PPP2R2B: variants seen among roughly 807,000 people sequenced by gnomAD.
PPP2R2B encodes serine/threonine-protein phosphatase 2A 55 kDa regulatory subunit B beta isoform.
PPP2R2B carries 5 observed loss-of-function variants against 46.0 expected under a neutral mutation model. The observed-to-expected ratio is 0.11, with a 90% CI of 0.06 to 0.23. The LOEUF (loss-of-function observed/expected upper bound fraction) is 0.23, where lower values mean the gene tolerates loss of function less well. PPP2R2B is among the 10% of genes least tolerant of loss of function. PPP2R2B has a pLI of 1.00. For missense variants in PPP2R2B, 367 were observed against 575.0 expected (o/e 0.64, Z 3.70); for synonymous variants, 215 against 206.7 (o/e 1.04, Z -0.34).
chr5:146,771,216 G>A (rs1754834545), intron 2 of PPP2R2B, among the ~76,000 whole-genome samples: 1 of 152,148 alleles, frequency 6.6e-6, no homozygotes, highest in Non-Finnish European at 1.5e-5. Flanking sequence ...CAGTGGCCAA[G>A]AAGACTGAAT....
chr5:146,737,161 T>C (rs1477372442), intron 2 of PPP2R2B, among the ~76,000 whole-genome samples: 1 of 152,224 alleles, frequency 6.6e-6, no homozygotes, highest in Non-Finnish European at 1.5e-5. Flanking sequence ...GTTCAGTAGC[T>C]ACTGGGGACT....
chr5:146,708,617 C>T (rs909152540), intron 2 of PPP2R2B, among the ~76,000 whole-genome samples: 4 of 152,052 alleles, frequency 2.6e-5, no homozygotes, highest in African/African-American at 9.7e-5. Context: ...ATAAAATGAA[C>T]TGATAGATAT....
intron 2 of PPP2R2B, among the ~76,000 whole-genome samples, chr5:146,763,919 G>A (rs1425562116): frequency 6.6e-6 from 1 of 152,030 alleles, no homozygotes; most frequent in Non-Finnish European, 1.5e-5. Flanking sequence ...GTAGAGGGGG[G>A]TCTCACTATA....
chr5:146,962,434 G>A (rs142437131), intron 1 of PPP2R2B, among the ~76,000 whole-genome samples: 1 of 151,716 alleles, frequency 6.6e-6, no homozygotes, highest in Non-Finnish European at 1.5e-5. Context: ...CAAGGCGGGT[G>A]GATCACGAGG....
At chr5:146,947,123 A>G (rs1468725828) in intron 1 of PPP2R2B, among the ~76,000 whole-genome samples, 3 of 152,172 alleles carry the variant, frequency 2.0e-5, no homozygotes, top group African/African-American at 4.8e-5. Context: ...AAATTCCATA[A>G]TATGAGGCAG....
intron 2 of PPP2R2B, among the ~76,000 whole-genome samples, chr5:146,705,723 A>G (rs1391729461): frequency 6.6e-6 from 1 of 152,038 alleles, no homozygotes; most frequent in Non-Finnish European, 1.5e-5. Context: ...ATTTGAGCAT[A>G]TTTTCCACAA....
chr5:146,638,299 G>A lies in PPP2R2B; in HGVS notation c.742C>T (p.Arg248Trp), dbSNP rs750629860. ...FVYSSSKGTI[R>W]LCDMRASALC... Reference sequence around the variant, plus strand: ...GCAGATGCCCGCATGTCACACAGCCGGATTGTCCCTTTGCTGCTGCTGTAC... The same window carrying A: ...GCAGATGCCCGCATGTCACACAGCCAGATTGTCCCTTTGCTGCTGCTGTAC... Residue 248 changes from arginine to tryptophan, a missense_variant, in exon 7 of 10, where the codon CGG (arginine) becomes TGG (tryptophan). Physicochemically the swap from Arg to Trp is moderately radical, Grantham distance 101. Transcript: ENST00000394411. 3 of 1,613,938 alleles carry A rather than the reference G, an allele frequency of 1.9e-6. No individual in the cohort carries two copies. The highest frequency in any genetic ancestry group is 1.7e-6 in the Non-Finnish European group (2 of 1,179,892).
intron 2 of PPP2R2B, among the ~76,000 whole-genome samples, chr5:146,793,397 A>G (rs1756333833): frequency 6.6e-6 from 1 of 152,240 alleles, no homozygotes; most frequent in South Asian, 2.1e-4. Flanking sequence ...GGAGTTGCTG[A>G]CATATAGATA....
intron 5 of PPP2R2B, among the ~76,000 whole-genome samples, chr5:146,662,606 T>C (rs1193048172): frequency 6.6e-6 from 1 of 152,202 alleles, no homozygotes; most frequent in Non-Finnish European, 1.5e-5. Flanking sequence ...GAGAAATAAA[T>C]TTCTTTTCTT....
intron 5 of PPP2R2B, among the ~76,000 whole-genome samples, chr5:146,677,791 G>A (rs1777841463): frequency 6.6e-6 from 1 of 152,092 alleles, no homozygotes; most frequent in African/African-American, 2.4e-5. Flanking sequence ...GCCTCCCAAA[G>A]TGCTGGGATT....
intron 2 of PPP2R2B, among the ~76,000 whole-genome samples, chr5:146,772,383 CATATATAT>C (rs33981708): frequency 0.014 from 1,879 of 132,656 alleles, 19 homozygotes; most frequent in Middle Eastern, 0.023. Context: ...ATAACTTGTG[CATATATAT>C]ATATATATAT....
chr5:146,920,285 G>A (rs1360186147), intron 1 of PPP2R2B, among the ~76,000 whole-genome samples: 1 of 152,142 alleles, frequency 6.6e-6, no homozygotes, highest in Non-Finnish European at 1.5e-5. Context: ...CTAGTGACAT[G>A]GGCTCTACAC....
chr5:146,909,446 T>A (rs368592151), intron 1 of PPP2R2B, among the ~76,000 whole-genome samples: 12 of 152,226 alleles, frequency 7.9e-5, no homozygotes, highest in East Asian at 3.8e-4. Context: ...ACTACCCTCT[T>A]AAGAGGTCAG....
At chr5:146,768,694 T>C (rs888281804) in intron 2 of PPP2R2B, among the ~76,000 whole-genome samples, 1 of 152,114 alleles carries the variant, frequency 6.6e-6, no homozygotes, top group African/African-American at 2.4e-5. Context: ...CCATCTGACA[T>C]TGGGCCCACA....
At chr5:146,970,739 A>G (rs1189995580) in intron 1 of PPP2R2B, among the ~76,000 whole-genome samples, 5 of 152,202 alleles carry the variant, frequency 3.3e-5, no homozygotes, top group Non-Finnish European at 7.3e-5. Flanking sequence ...GCTCATAAGA[A>G]GGTCACCTTC....
At chr5:146,701,411 A>C (rs1367475160) in intron 2 of PPP2R2B, among the ~76,000 whole-genome samples, 1 of 152,204 alleles carries the variant, frequency 6.6e-6, no homozygotes, top group Non-Finnish European at 1.5e-5. Flanking sequence ...AAGGAAGAGA[A>C]AATTAACTTC....
At chr5:146,944,425 G>A (rs1290270197) in intron 1 of PPP2R2B, among the ~76,000 whole-genome samples, 3 of 152,110 alleles carry the variant, frequency 2.0e-5, no homozygotes, top group East Asian at 1.9e-4. Context: ...CCAAGGAAAC[G>A]CCAAACGATT....
At chr5:146,766,558 T>C (rs1754489693) in intron 2 of PPP2R2B, among the ~76,000 whole-genome samples, 1 of 152,226 alleles carries the variant, frequency 6.6e-6, no homozygotes, top group African/African-American at 2.4e-5. Context: ...ATAGCTAGTG[T>C]TGTGCTCAGT....
intron 2 of PPP2R2B, among the ~76,000 whole-genome samples, chr5:146,719,416 G>A (rs944604022): frequency 5.9e-5 from 9 of 152,238 alleles, no homozygotes; most frequent in African/African-American, 1.9e-4. Context: ...TCATTTACAA[G>A]TGATGTGCCT....
Sources: allele counts gnomAD v4.1 joint callset (sites outside exome capture counted in the v4.1 genomes callset), GRCh38; gene constraint gnomAD v4.1.1; transcripts MANE v1.5; gene names NCBI Gene and HGNC (gene_info 2026-07-23, HGNC 2026-07-21).